The following CCDC201 variants were observed in gnomAD, a reference collection of about 807,000 sequenced individuals.
CCDC201 encodes coiled-coil domain-containing protein 201.
the CCDC201 span, among the ~76,000 whole-genome samples, chr7:45,880,550 T>C: frequency 1.3e-5 from 2 of 151,800 alleles, no homozygotes; most frequent in South Asian, 2.1e-4. Flanking sequence ...ATGGGCACAC[T>C]GTATGCAGGT....
chr7:45,861,257 C>A (rs1333425624), exon 3 of CCDC201: 2 of 152,110 alleles, frequency 1.3e-5, no homozygotes, highest in Non-Finnish European at 2.9e-5. Flanking sequence ...CTATGGTGTG[C>A]AATATAGGCA....
At chr7:45,882,471 C>G in the CCDC201 span, among the ~76,000 whole-genome samples, 1 of 152,214 alleles carries the variant, frequency 6.6e-6, no homozygotes, top group African/African-American at 2.4e-5. Context: ...CGGTCTTGCT[C>G]CAGAGCTGTT....
chr7:45,865,685 C>T (rs1278621620), intron 2 of CCDC201, among the ~76,000 whole-genome samples: 1 of 152,200 alleles, frequency 6.6e-6, no homozygotes, highest in African/African-American at 2.4e-5. Flanking sequence ...AGAGCAATGA[C>T]AAAGCAGCCA....
At chr7:45,878,709 G>C in the CCDC201 span, among the ~76,000 whole-genome samples, 9 of 152,378 alleles carry the variant, frequency 5.9e-5, no homozygotes, top group Middle Eastern at 3.4e-3. Flanking sequence ...CTGGGCCTGT[G>C]TTGGGAGTGG....
exon 2 of CCDC201, chr7:45,866,151 TGCTGCTGCC>T: frequency 9.8e-6 from 2 of 204,976 alleles, no homozygotes; most frequent in South Asian, 7.5e-5. Flanking sequence ...CTGCTGCTGC[TGCTGCTGCC>T]GCTGCCGCTG....
chr7:45,864,625 G>A (rs1287523605), intron 2 of CCDC201, among the ~76,000 whole-genome samples: 2 of 152,134 alleles, frequency 1.3e-5, no homozygotes, highest in African/African-American at 4.8e-5. Context: ...GGACAGCAGG[G>A]CATGGAAGAG....
intron 1 of CCDC201, among the ~76,000 whole-genome samples, chr7:45,869,946 A>G (rs1469388947): frequency 2.0e-5 from 3 of 151,902 alleles, no homozygotes; most frequent in Non-Finnish European, 4.4e-5. Flanking sequence ...CTTCCAGAGT[A>G]GCTGGGATTA....
chr7:45,867,775 G>A (rs895175271), intron 1 of CCDC201, among the ~76,000 whole-genome samples: 2 of 152,192 alleles, frequency 1.3e-5, no homozygotes, highest in African/African-American at 4.8e-5. Context: ...ATAAGTTCAA[G>A]GACGTCACCA....
At chr7:45,861,489 T>C (rs1487588054) in exon 3 of CCDC201, 2 of 152,254 alleles carry the variant, frequency 1.3e-5, no homozygotes, top group African/African-American at 4.8e-5. Flanking sequence ...AATATGAAGT[T>C]ACTGTCTAAC....
intron 2 of CCDC201, among the ~76,000 whole-genome samples, chr7:45,864,736 A>G (rs550449886): frequency 1.4e-4 from 22 of 152,294 alleles, no homozygotes; most frequent in African/African-American, 4.8e-4. Context: ...CAAGGAAGAA[A>G]ATATCATCAT....
intron 1 of CCDC201, among the ~76,000 whole-genome samples, chr7:45,870,959 T>C (rs992611636): frequency 3.3e-5 from 5 of 152,204 alleles, no homozygotes; most frequent in Non-Finnish European, 7.4e-5. Flanking sequence ...GGGACTTTTA[T>C]CAAACAGAAA....
At chr7:45,883,622 T>C in the CCDC201 span, among the ~76,000 whole-genome samples, 37 of 152,322 alleles carry the variant, frequency 2.4e-4, no homozygotes, top group Non-Finnish European at 4.0e-4. Context: ...AGCTACGGCA[T>C]GGACCTCGTC....
chr7:45,879,919 C>T, the CCDC201 span, among the ~76,000 whole-genome samples: 1 of 152,138 alleles, frequency 6.6e-6, no homozygotes, highest in African/African-American at 2.4e-5. Flanking sequence ...AACCCCATCT[C>T]TATTAAAAAT....
chr7:45,867,559 G>A (rs777152076), intron 1 of CCDC201, among the ~76,000 whole-genome samples: 9 of 152,324 alleles, frequency 5.9e-5, no homozygotes, highest in Middle Eastern at 3.4e-3. Flanking sequence ...TGCCAATACC[G>A]TATAATTAGC....
At chr7:45,878,978 T>G in the CCDC201 span, among the ~76,000 whole-genome samples, 1 of 152,248 alleles carries the variant, frequency 6.6e-6, no homozygotes, top group Non-Finnish European at 1.5e-5. Flanking sequence ...AGCAGCCAGG[T>G]CATGTCTTGA....
upstream of CCDC201, among the ~76,000 whole-genome samples, chr7:45,876,291 G>A (rs1786807476): frequency 6.6e-6 from 1 of 152,170 alleles, no homozygotes; most frequent in South Asian, 2.1e-4. Context: ...TACCTGGTGA[G>A]GAACCCTGAC....
chr7:45,860,185 A>T (rs549619649), exon 3 of CCDC201: 1 of 152,522 alleles, frequency 6.6e-6, no homozygotes, highest in East Asian at 1.9e-4. Flanking sequence ...AGAATTACAA[A>T]GAACCTTCTT....
At chr7:45,867,431 T>C (rs1786690475) in intron 1 of CCDC201, among the ~76,000 whole-genome samples, 2 of 152,208 alleles carry the variant, frequency 1.3e-5, no homozygotes, top group African/African-American at 4.8e-5. Flanking sequence ...CTGCAGGCAA[T>C]GACATCCTAA....
exon 3 of CCDC201, chr7:45,860,777 A>C (rs954114904): frequency 6.6e-6 from 1 of 152,252 alleles, no homozygotes; most frequent in Non-Finnish European, 1.5e-5. Flanking sequence ...CTGGGGCAGC[A>C]AGACTTGTTC....
Sources: gnomAD v4.1 joint callset for allele counts (sites outside exome capture counted in the v4.1 genomes callset) on GRCh38, gnomAD v4.1.1 for gene constraint, MANE v1.5 for transcripts, NCBI Gene and HGNC (gene_info 2026-07-23, HGNC 2026-07-21) for gene names.